Variants in NRG1 observed in about 807,000 individuals in gnomAD.
NRG1 encodes the protein pro-neuregulin-1, membrane-bound isoform.
NRG1 carries 18 observed loss-of-function variants against 63.8 expected under a neutral mutation model. That is an observed-to-expected ratio of 0.28 (90% CI 0.19 to 0.42). The LOEUF (loss-of-function observed/expected upper bound fraction) is 0.42. Ranked by LOEUF, NRG1 falls within the 10% of genes least tolerant of loss-of-function variation. The pLI is 1.00. For synonymous variants in NRG1, 302 were observed against 301.3 expected, an observed-to-expected ratio of 1.00 and a Z score of -0.02; for missense variants, 762 against 814.7, an observed-to-expected ratio of 0.94 and a Z score of 0.79.
intron 1 of NRG1, among the ~76,000 whole-genome samples, chr8:32,013,714 C>T (rs1367692860): frequency 6.6e-6 from 1 of 152,132 alleles, no homozygotes; most frequent in East Asian, 1.9e-4. Context: ...CCTATCATCT[C>T]AAAACTCACT....
intron 1 of NRG1, among the ~76,000 whole-genome samples, chr8:32,469,902 G>A (rs1267647017): frequency 6.6e-6 from 1 of 152,226 alleles, no homozygotes; most frequent in Non-Finnish European, 1.5e-5. Context: ...CTGTCGCCCA[G>A]GCTGGACTGC....
chr8:32,064,038 T>C (rs559240612), intron 1 of NRG1, among the ~76,000 whole-genome samples: 12 of 151,982 alleles, frequency 7.9e-5, no homozygotes, highest in Admixed American at 6.6e-4. Context: ...AGGGGAGCAA[T>C]TGGGCAGTTT....
chr8:31,769,547 G>T (rs942708003), intron 1 of NRG1, among the ~76,000 whole-genome samples: 6 of 152,148 alleles, frequency 3.9e-5, no homozygotes, highest in African/African-American at 1.2e-4. Flanking sequence ...TAGGAGCTAA[G>T]AAAATGAAAA....
chr8:32,102,980 A>G (rs2131372737), intron 1 of NRG1, among the ~76,000 whole-genome samples: 1 of 152,296 alleles, frequency 6.6e-6, no homozygotes, highest in Non-Finnish European at 1.5e-5. Context: ...TGCAATGCAT[A>G]ATAATCACAT....
intron 1 of NRG1, among the ~76,000 whole-genome samples, chr8:32,331,051 ATGAACACCC>A (rs747396615): frequency 1.3e-5 from 2 of 152,124 alleles, no homozygotes; most frequent in Non-Finnish European, 2.9e-5. Flanking sequence ...TTTTAGACAG[ATGAACACCC>A]TGTGACAATT....
At chr8:32,138,457 C>T (rs2131701320) in intron 1 of NRG1, among the ~76,000 whole-genome samples, 1 of 151,938 alleles carries the variant, frequency 6.6e-6, no homozygotes, top group Middle Eastern at 3.4e-3. Flanking sequence ...ACAGCATTCC[C>T]CCTTCTTAGA....
intron 1 of NRG1, among the ~76,000 whole-genome samples, chr8:32,468,000 G>T (rs768222580): frequency 6.6e-6 from 1 of 152,170 alleles, no homozygotes; most frequent in African/African-American, 2.4e-5. Context: ...AAGCTGTCTT[G>T]TTGGCAGTCA....
intron 1 of NRG1, among the ~76,000 whole-genome samples, chr8:31,937,992 G>A (rs1252795116): frequency 6.6e-6 from 1 of 152,090 alleles, no homozygotes; most frequent in Admixed American, 6.6e-5. Flanking sequence ...CCTGTCCACT[G>A]CCTAAGAAAC....
intron 1 of NRG1, among the ~76,000 whole-genome samples, chr8:32,092,237 T>C (rs1829267101): frequency 6.6e-6 from 1 of 151,718 alleles, no homozygotes; most frequent in African/African-American, 2.4e-5. Flanking sequence ...AGCAAGAGGA[T>C]CGCTTGAGCC....
At chr8:31,734,187 A>G (rs1814414207) in intron 1 of NRG1, among the ~76,000 whole-genome samples, 1 of 152,130 alleles carries the variant, frequency 6.6e-6, no homozygotes, top group African/African-American at 2.4e-5. Context: ...AAAGCCAGGC[A>G]TGGTGGCGCG....
intron 1 of NRG1, among the ~76,000 whole-genome samples, chr8:31,766,627 G>T (rs1818090487): frequency 6.6e-6 from 1 of 152,130 alleles, no homozygotes; most frequent in African/African-American, 2.4e-5. Context: ...GGATATTTCT[G>T]ATTGAAATTG....
At chr8:32,727,819 TA>T in intron 5 of NRG1, 129 bp from the exon 6 acceptor site, 1 of 803,890 alleles carries the variant, frequency 1.2e-6, no homozygotes, top group Non-Finnish European at 1.9e-6. Context: ...CTATTGTTTG[TA>T]AGGTCTGCAA....
At chr8:31,963,633 C>T (rs1805836170) in intron 1 of NRG1, among the ~76,000 whole-genome samples, 1 of 152,182 alleles carries the variant, frequency 6.6e-6, no homozygotes, top group Non-Finnish European at 1.5e-5. Flanking sequence ...TTATGACAGA[C>T]AATTGTATAT....
intron 1 of NRG1, among the ~76,000 whole-genome samples, chr8:31,897,481 AGG>A (rs1301935795): frequency 6.6e-6 from 1 of 152,166 alleles, no homozygotes; most frequent in Non-Finnish European, 1.5e-5. Context: ...GTCTCTCATG[AGG>A]AAAATCCACA....
chr8:32,555,758 A>G (rs1050540430), intron 1 of NRG1, among the ~76,000 whole-genome samples: 1 of 152,166 alleles, frequency 6.6e-6, no homozygotes, highest in Non-Finnish European at 1.5e-5. Flanking sequence ...GGCGTGAGCC[A>G]CCGCGCCCGG....
intron 1 of NRG1, among the ~76,000 whole-genome samples, chr8:32,402,421 A>AC (rs372082482): frequency 5.9e-5 from 9 of 152,016 alleles, no homozygotes; most frequent in African/African-American, 2.2e-4. Flanking sequence ...TAAATGGAAA[A>AC]TTTAAAAAAA....
intron 1 of NRG1, among the ~76,000 whole-genome samples, chr8:31,914,031 C>A (rs1219718176): frequency 6.6e-6 from 1 of 152,140 alleles, no homozygotes; most frequent in Non-Finnish European, 1.5e-5. Context: ...GGTAAAACAT[C>A]TCTCATCCCA....
rs1214155419 is a variant in NRG1 at position 32,625,525 on chromosome 8, G to T, written c.502+8640G>T. Among the ~76,000 whole-genome samples, 4 of 152,196 alleles carry T rather than the reference G, an allele frequency of 2.6e-5. No individual in the cohort carries two copies. In the East Asian group the frequency reaches 5.8e-4, roughly 22 times the overall value. ...GGAGAGAGCGAGAGAGAGAATGCCTGGCTTTGTGAAATGTTGCAGAAATTT... is the reference window on the plus strand; with the variant it reads ...GGAGAGAGCGAGAGAGAGAATGCCTTGCTTTGTGAAATGTTGCAGAAATTT... On this transcript the variant is annotated intron_variant, in intron 5 of 11. Transcript: ENST00000356819.
intron 1 of NRG1, among the ~76,000 whole-genome samples, chr8:31,725,446 A>G (rs970184088): frequency 1.7e-4 from 22 of 129,790 alleles, no homozygotes; most frequent in Admixed American, 4.3e-4. Flanking sequence ...CAACTCATAG[A>G]ACTGAATTGA....
Sources: gnomAD v4.1 joint callset for allele counts (sites outside exome capture counted in the v4.1 genomes callset) on GRCh38, gnomAD v4.1.1 for gene constraint, MANE v1.5 for transcripts, NCBI Gene and HGNC (gene_info 2026-07-23, HGNC 2026-07-21) for gene names.